Variants in DST observed in about 807,000 individuals in gnomAD.
DST encodes dystonin.
A neutral mutation model predicts 875.2 loss-of-function variants in DST; 253 were observed. The observed-to-expected ratio is 0.29, with a 90% CI of 0.26 to 0.32. The LOEUF (loss-of-function observed/expected upper bound fraction) is 0.32, where lower values mean the gene tolerates loss of function less well. Among genes scored for constraint, DST ranks in the 10% least tolerant of loss-of-function variants. DST has a pLI of 1.00. For missense variants in DST, 8,287 were observed against 9,111.6 expected, an observed-to-expected ratio of 0.91 and a Z score of 3.68; for synonymous variants, 3,124 against 3,197.1, an observed-to-expected ratio of 0.98 and a Z score of 0.77.
At chr6:56,698,329 ATTT>A (rs70989725) in intron 9 of DST, among the ~76,000 whole-genome samples, 1 of 144,142 alleles carries the variant, frequency 6.9e-6, no homozygotes, top group Admixed American at 6.9e-5. Flanking sequence ...AAAAAAAAAA[ATTT>A]TTTTTTTTTT....
At chr6:56,647,446 C>T (rs1233791975) in intron 13 of DST, among the ~76,000 whole-genome samples, 3 of 152,162 alleles carry the variant, frequency 2.0e-5, no homozygotes, top group African/African-American at 4.8e-5. Context: ...ATATTCTGTA[C>T]GGATGCAGGA....
chr6:56,885,865 A>T (rs1254186224), intron 3 of DST, among the ~76,000 whole-genome samples: 1 of 152,242 alleles, frequency 6.6e-6, no homozygotes, highest in African/African-American at 2.4e-5. Context: ...ACACAGATGG[A>T]CTAAGACAGT....
At chr6:56,862,479 C>T (rs1004101368) in intron 3 of DST, among the ~76,000 whole-genome samples, 7 of 152,002 alleles carry the variant, frequency 4.6e-5, no homozygotes, top group Non-Finnish European at 8.8e-5. Flanking sequence ...GCAGCAGAGG[C>T]GTCTGGAAAG....
intron 2 of DST, among the ~76,000 whole-genome samples, chr6:56,925,325 AT>A (rs1562424458): frequency 6.6e-6 from 1 of 152,214 alleles, no homozygotes; most frequent in Admixed American, 6.5e-5. Flanking sequence ...CCAATCAATT[AT>A]TTTTAAAAAA....
intron 4 of DST, among the ~76,000 whole-genome samples, chr6:56,821,646 T>C (rs78544234): frequency 0.025 from 3,793 of 152,302 alleles, 175 homozygotes; most frequent in African/African-American, 0.086. Context: ...TGCCCTATTA[T>C]CATTCAGAAT....
At position 56,506,750 on chromosome 6, in the gene DST, C is replaced by A; in HGVS notation, c.19279G>T (p.Asp6427Tyr). 1 of 1,613,518 alleles carries A rather than the reference C, an allele frequency of 6.2e-7. No homozygotes were observed. Residue 6427 changes from aspartate to tyrosine, a missense_variant, in exon 76 of 104, where the codon GAT becomes TAT. Around this residue, in one of 10 missense-constraint regions of DST, gnomAD observed 1,292 missense variants for 1,552.7 expected, o/e 0.83. Coordinates refer to ENST00000680361, the MANE Select transcript of DST (RefSeq NM_001374736.1). ...TCAGAACCTAGGTTAATAACTATAT[C>A]CAGCTCCTCCTGTAGTCCATCTATT... ...EEIDGLQEEL[D>Y]IVINLGSELI...
intron 80 of DST, among the ~76,000 whole-genome samples, chr6:56,498,957 G>A (rs1265306992): frequency 6.6e-6 from 1 of 152,102 alleles, no homozygotes; most frequent in Non-Finnish European, 1.5e-5. Context: ...TATATGAATA[G>A]GTTAATAACG....
intron 82 of DST, among the ~76,000 whole-genome samples, chr6:56,495,404 C>A (rs528327168): frequency 6.6e-6 from 1 of 151,864 alleles, no homozygotes; most frequent in Non-Finnish European, 1.5e-5. Context: ...AAACTCAGTT[C>A]GCTGAAATGG....
chr6:56,676,232 A>G (rs2099129201), intron 9 of DST, among the ~76,000 whole-genome samples: 1 of 152,116 alleles, frequency 6.6e-6, no homozygotes, highest in Non-Finnish European at 1.5e-5. Context: ...ACACCTGGGT[A>G]ATTTTTTGTA....
chr6:56,617,106 T>C (rs2098634419), intron 36 of DST: 4 of 1,613,042 alleles, frequency 2.5e-6, no homozygotes, highest in Middle Eastern at 1.6e-4. Flanking sequence ...TCTTCAACAG[T>C]CTTAAGACCG....
intron 3 of DST, among the ~76,000 whole-genome samples, chr6:56,860,840 G>C (rs904921174): frequency 1.3e-5 from 2 of 152,130 alleles, no homozygotes; most frequent in African/African-American, 2.4e-5. Context: ...CATGAGTTCC[G>C]TATCTATCCT....
At chr6:56,540,332 C>G (rs944477658) in intron 61 of DST, 4 of 152,588 alleles carry the variant, frequency 2.6e-5, no homozygotes, top group African/African-American at 9.7e-5. Context: ...TGCCTGGGCC[C>G]CTGTTTTTCT....
At chr6:56,478,249 A>G (rs1449229144) in intron 90 of DST, among the ~76,000 whole-genome samples, 5 of 152,234 alleles carry the variant, frequency 3.3e-5, no homozygotes, top group Admixed American at 2.6e-4. Flanking sequence ...ATAAAAAAGT[A>G]CAAAGTAGAG....
intron 10 of DST, among the ~76,000 whole-genome samples, chr6:56,656,681 C>T: frequency 6.6e-6 from 1 of 152,132 alleles, no homozygotes; most frequent in East Asian, 1.9e-4. Context: ...ACTACAGAGC[C>T]TGATTTCTTC....
chr6:56,464,735 A>G lies in DST; in HGVS notation c.22709T>C (p.Met7570Thr), dbSNP rs2094498716. The G allele has an allele frequency of 1.9e-6, 3 of 1,598,820 alleles. No individual in the cohort carries two copies. The highest frequency in any genetic ancestry group is 1.7e-6 in the Non-Finnish European group (2 of 1,172,648). ...TGAAGAGTTTGATTCCGAACGTAAC[A>G]TTTTACTCCCATGATGATGAACTAG... ...PCRVHHHGSK[M>T]LRSESNSSIT... The change falls in exon 100 of 104, where the codon ATG becomes ACG. Residue 7570 changes from methionine to threonine, a missense_variant. By Grantham distance (81) the Met-to-Thr change is moderately conservative. Around this residue, in one of 10 missense-constraint regions of DST, gnomAD observed 64 missense variants for 86.2 expected, o/e 0.74. Coordinates refer to ENST00000680361, the MANE Select transcript of DST (RefSeq NM_001374736.1).
intron 3 of DST, among the ~76,000 whole-genome samples, chr6:56,899,075 C>G (rs1162926059): frequency 6.6e-6 from 1 of 152,164 alleles, no homozygotes; most frequent in Non-Finnish European, 1.5e-5. Flanking sequence ...TATGTATCCT[C>G]TCTGGGGCTC....
chr6:56,582,814 C>T (rs1465520690), intron 49 of DST, among the ~76,000 whole-genome samples: 1 of 151,906 alleles, frequency 6.6e-6, no homozygotes, highest in Non-Finnish European at 1.5e-5. Context: ...TCTCATTGTT[C>T]AATTCCCACC....
Position 56,598,567 on chromosome 6 carries a change from A to T in DST, c.11837T>A (p.Ile3946Lys), listed in dbSNP as rs1475439102. 3.5e-5 allele frequency: 56 copies of T among 1,612,376 alleles called. No individual in the cohort carries two copies. Among genetic ancestry groups the T allele is most frequent in the Non-Finnish European group, 4.7e-5 (55 of 1,179,070 alleles). Residue 3946 changes from isoleucine to lysine, a missense_variant, in exon 46 of 104, where the codon ATA (isoleucine) becomes AAA (lysine). Ile to Lys is a moderately radical substitution (Grantham distance 102, BLOSUM62 -3). Around this residue, in one of 10 missense-constraint regions of DST, gnomAD observed 1,513 missense variants for 1,677.8 expected, o/e 0.90. Transcript: ENST00000680361. Reference protein sequence around the residue: ...LIEQKLNEAKIKCEQLNLKAE... With the variant: ...LIEQKLNEAKKKCEQLNLKAE... ...TTTTAAATTAAGCTGTTCACACTTTATCTTAGCTTCATTAAGTTTCTGTTC... is the reference window on the plus strand; with the variant it reads ...TTTTAAATTAAGCTGTTCACACTTTTTCTTAGCTTCATTAAGTTTCTGTTC...
At chr6:56,943,088 G>A (rs1817527440) in intron 2 of DST, among the ~76,000 whole-genome samples, 1 of 151,978 alleles carries the variant, frequency 6.6e-6, no homozygotes, top group Non-Finnish European at 1.5e-5. Context: ...CAGTTAAACA[G>A]ATTACCAAAG....
Sources: allele counts gnomAD v4.1 joint callset (sites outside exome capture counted in the v4.1 genomes callset), GRCh38; gene constraint gnomAD v4.1.1; regional missense constraint gnomAD v4.1.1; transcripts MANE v1.5; gene names NCBI Gene and HGNC (gene_info 2026-07-23, HGNC 2026-07-21).